Variants in MRE11 observed in about 807,000 individuals in gnomAD.
The protein encoded by MRE11 is double-strand break repair protein MRE11.
In MRE11, 62 loss-of-function variants were observed where a neutral mutation model predicts 91.7. That is an observed-to-expected ratio of 0.68 (90% CI 0.55 to 0.84). MRE11 has a LOEUF of 0.84. Ranked by LOEUF, MRE11 falls within the 40% of genes least tolerant of loss-of-function variation. The probability of loss-of-function intolerance (pLI) is 0.00; values close to 1 mark genes in which losing one functional copy is unlikely to be tolerated. For synonymous variants in MRE11, 273 were observed against 271.4 expected, an observed-to-expected ratio of 1.01 and a Z score of -0.06; for missense variants, 796 against 852.9, an observed-to-expected ratio of 0.93 and a Z score of 0.83.
chr11:94,432,771 A>C (rs187036511), intron 18 of MRE11, among the ~76,000 whole-genome samples: 2,882 of 152,342 alleles, frequency 0.019, 42 homozygotes, highest in Non-Finnish European at 0.031. Flanking sequence ...GCGCCACTGC[A>C]CTCCAGCCTG....
At chr11:94,463,583 A>G (rs1267676292) in intron 11 of MRE11, among the ~76,000 whole-genome samples, 1 of 152,194 alleles carries the variant, frequency 6.6e-6, no homozygotes, top group South Asian at 2.1e-4. Flanking sequence ...CATATACACT[A>G]TGGAATACTA....
At chr11:94,493,406 A>ATG (rs1947345992) in intron 1 of MRE11, among the ~76,000 whole-genome samples, 1 of 152,158 alleles carries the variant, frequency 6.6e-6, no homozygotes, top group Non-Finnish European at 1.5e-5. Context: ...TCTGCGGAGG[A>ATG]ACACCTTTAA....
At position 94,415,613 on chromosome 11, in the gene MRE11, C is replaced by G. The variant is rs1945018222; in HGVS notation, c.*4512G>C. The G allele has an allele frequency of 6.6e-6, 1 of 152,178 alleles. No individual in the cohort carries two copies. The highest frequency in any genetic ancestry group is 2.1e-4 in the South Asian group (1 of 4,832). 9.4% of individuals were successfully genotyped at this position (152,178 alleles called of 1,614,324 possible). On this transcript the variant is annotated 3_prime_UTR_variant, in exon 20 of 20. Transcript: ENST00000323929. ...ACAGATTAAATATCCTTTTATTTGA[C>G]TCAAACTGAACAATAACATTTAAAA... is the stretch of plus-strand genomic sequence containing the variant.
chr11:94,427,408 C>T (rs971806571), intron 19 of MRE11, among the ~76,000 whole-genome samples: 2 of 152,052 alleles, frequency 1.3e-5, no homozygotes, highest in East Asian at 3.9e-4. Context: ...ATAATAAGAG[C>T]CAGCTATGAA....
At chr11:94,442,886 T>C (rs1190433165) in intron 16 of MRE11, among the ~76,000 whole-genome samples, 1 of 152,180 alleles carries the variant, frequency 6.6e-6, no homozygotes, top group Non-Finnish European at 1.5e-5. Context: ...CTCTCTGCTT[T>C]TATATTAAAC....
chr11:94,490,790 A>C (rs1343561142), intron 3 of MRE11, 43 bp downstream of exon 3: 6 of 1,608,958 alleles, frequency 3.7e-6, no homozygotes, highest in Non-Finnish European at 4.3e-6. Flanking sequence ...CTTGTTAACC[A>C]AGGGAATATG....
intron 19 of MRE11, among the ~76,000 whole-genome samples, chr11:94,423,122 A>G (rs546728893): frequency 4.3e-4 from 66 of 152,372 alleles, no homozygotes; most frequent in African/African-American, 1.5e-3. Flanking sequence ...CGAGTAAGCC[A>G]ACATATTTTG....
At chr11:94,465,393 C>CT (rs1157174415) in intron 10 of MRE11, among the ~76,000 whole-genome samples, 3 of 145,296 alleles carry the variant, frequency 2.1e-5, no homozygotes, top group African/African-American at 7.9e-5. Context: ...CTCTCTCTCT[C>CT]TCTTTTTTTT....
chr11:94,465,156 T>A (rs1474816129), intron 10 of MRE11, among the ~76,000 whole-genome samples: 4 of 152,220 alleles, frequency 2.6e-5, no homozygotes, highest in Non-Finnish European at 4.4e-5. Flanking sequence ...TGTCTTTTAG[T>A]CAGTACAATG....
chr11:94,450,922 A>G (rs143890311), intron 14 of MRE11, among the ~76,000 whole-genome samples: 13 of 152,312 alleles, frequency 8.5e-5, no homozygotes, highest in African/African-American at 3.1e-4. Context: ...AATAAAAATC[A>G]CAAAGCTTTA....
upstream of MRE11, chr11:94,496,950 G>A (rs750366226): frequency 1.3e-5 from 21 of 1,612,324 alleles, no homozygotes; most frequent in South Asian, 1.1e-4. Context: ...GAAAAAAATC[G>A]GGTAAAAAAA....
chr11:94,460,216 T>C (rs1946378374), intron 12 of MRE11, among the ~76,000 whole-genome samples: 2 of 151,890 alleles, frequency 1.3e-5, no homozygotes, highest in African/African-American at 4.8e-5. Context: ...TGCCAAAACC[T>C]TGATTCCAGT....
chr11:94,421,341 T>A (rs1945167443), intron 19 of MRE11, among the ~76,000 whole-genome samples: 1 of 152,242 alleles, frequency 6.6e-6, no homozygotes, highest in Non-Finnish European at 1.5e-5. Flanking sequence ...CTAAATTAAC[T>A]ATCTCTGATG....
intron 19 of MRE11, among the ~76,000 whole-genome samples, chr11:94,428,357 C>T (rs550686795): frequency 1.3e-4 from 20 of 152,180 alleles, no homozygotes; most frequent in African/African-American, 4.6e-4. Flanking sequence ...GAAAATGGAT[C>T]CCTACCTTTC....
intron 7 of MRE11, chr11:94,475,251 G>A (rs1252770684): frequency 2.6e-5 from 4 of 156,000 alleles, no homozygotes; most frequent in Admixed American, 1.3e-4. Context: ...AAGCAATACA[G>A]TATAACAACT....
chr11:94,427,751 C>G (rs1349074621), intron 19 of MRE11, among the ~76,000 whole-genome samples: 17 of 151,874 alleles, frequency 1.1e-4, no homozygotes, highest in African/African-American at 4.1e-4. Flanking sequence ...CAATAACGTT[C>G]AAGCTGAGAG....
chr11:94,500,434 T>C, the MRE11 span, among the ~76,000 whole-genome samples: 65 of 152,346 alleles, frequency 4.3e-4, no homozygotes, highest in African/African-American at 1.5e-3. Context: ...TTCACTAGAC[T>C]GCTCTGTGCA....
At chr11:94,470,709 G>C (rs1309926248) in intron 8 of MRE11, 67 bp from the exon 9 acceptor site, 1 of 1,491,696 alleles carries the variant, frequency 6.7e-7, no homozygotes, top group Non-Finnish European at 9.3e-7. Flanking sequence ...GCAAACGAAA[G>C]CTTTCATATT....
At position 94,437,208 on chromosome 11, in the gene MRE11, G is replaced by A. The variant is rs2134840513; in HGVS notation, c.1895C>T (p.Ser632Phe). ...ATAATTCTTAGTAGTGACATTTCGGGAAGGCTGCTGTCTTGTAGATTTAAA... is the reference window on the plus strand; with the variant it reads ...ATAATTCTTAGTAGTGACATTTCGGAAAGGCTGCTGTCTTGTAGATTTAAA... ...DAFKSTRQQP[S>F]RNVTTKNYSE... The change falls in exon 17 of 20, where the codon TCC becomes TTC. Residue 632 changes from serine (S) to phenylalanine (F), a missense_variant. By Grantham distance (155) the Ser-to-Phe change is radical. Coordinates refer to ENST00000323929, the MANE Select transcript of MRE11 (RefSeq NM_005591.4). The A allele has an allele frequency of 6.2e-7, 1 of 1,612,928 alleles. No individual in the cohort carries two copies. Among genetic ancestry groups the A allele is most frequent in the South Asian group, 1.1e-5 (1 of 90,898 alleles).
Sources: allele counts gnomAD v4.1 joint callset (sites outside exome capture counted in the v4.1 genomes callset), GRCh38; gene constraint gnomAD v4.1.1; transcripts MANE v1.5; gene names NCBI Gene and HGNC (gene_info 2026-07-23, HGNC 2026-07-21).